Variants in SS18 observed in about 807,000 individuals in gnomAD.
SS18 encodes SS18 subunit of BAF chromatin remodeling complex.
A neutral mutation model predicts 72.5 loss-of-function variants in SS18; 28 were observed. That is an observed-to-expected ratio of 0.39 (90% CI 0.29 to 0.53). The LOEUF (loss-of-function observed/expected upper bound fraction) is 0.53, where lower values mean the gene tolerates loss of function less well. Among genes scored for constraint, SS18 ranks in the 20% least tolerant of loss-of-function variants. The pLI, the probability that SS18 is intolerant of heterozygous loss-of-function variation, is 0.76. For missense variants in SS18, 518 were observed against 535.3 expected (o/e 0.97, Z 0.32); for synonymous variants, 172 against 164.2 (o/e 1.05, Z -0.37).
At chr18:26,065,710 A>C (rs1399579980) in intron 3 of SS18, among the ~76,000 whole-genome samples, 1 of 150,194 alleles carries the variant, frequency 6.7e-6, no homozygotes, top group Non-Finnish European at 1.5e-5. Flanking sequence ...AGAGAATAAA[A>C]AGACAATTTT....
At chr18:26,032,213 T>C (rs1267695513) in intron 10 of SS18, among the ~76,000 whole-genome samples, 186 bp downstream of exon 10, 2 of 152,138 alleles carry the variant, frequency 1.3e-5, no homozygotes, top group Middle Eastern at 3.2e-3. Context: ...AGAGTAACTA[T>C]GATCAACTGT....
chr18:26,078,201 T>C (rs370196851), intron 2 of SS18, 41 bp from the exon 3 acceptor site: 2 of 1,430,250 alleles, frequency 1.4e-6, no homozygotes, highest in African/African-American at 1.4e-5. Flanking sequence ...AAAATAATTT[T>C]CTTCCTACCT....
chr18:26,023,294 G>A (rs779588978), intron 10 of SS18, among the ~76,000 whole-genome samples: 45 of 152,174 alleles, frequency 3.0e-4, no homozygotes, highest in East Asian at 3.9e-4. Flanking sequence ...GGACAGACAC[G>A]GAAGATATTA....
Position 26,079,490 on chromosome 18 carries a change from A to G in SS18, c.147-1330T>C, listed in dbSNP as rs141615912. ...TAAAATAATAAAAATAAGTTTTTTC[A>G]GCTAAAGTTCTCTAATTCAGATTCC... On this transcript the variant is annotated intron_variant, in intron 2 of 10. Transcript: ENST00000415083. Among the ~76,000 whole-genome samples, 744 of 152,358 alleles carry G rather than the reference A, an allele frequency of 4.9e-3. 8 individuals are homozygous for G. Among genetic ancestry groups the G allele is most frequent in the African/African-American group, 0.017 (699 of 41,588 alleles).
chr18:26,046,567 G>A (rs1352211542), intron 5 of SS18, among the ~76,000 whole-genome samples: 1 of 152,208 alleles, frequency 6.6e-6, no homozygotes, highest in South Asian at 2.1e-4. Context: ...AGCACCTGCA[G>A]TGCATATCCA....
chr18:26,087,017 A>G (rs2054626692), intron 2 of SS18, among the ~76,000 whole-genome samples: 1 of 152,212 alleles, frequency 6.6e-6, no homozygotes, highest in African/African-American at 2.4e-5. Context: ...CAAACAACAC[A>G]AATGGCCATC....
At chr18:26,029,619 C>T (rs528555713) in intron 10 of SS18, among the ~76,000 whole-genome samples, 1 of 152,226 alleles carries the variant, frequency 6.6e-6, no homozygotes, top group African/African-American at 2.4e-5. Context: ...AGAATGGAAC[C>T]ACTGTTTACT....
intron 2 of SS18, among the ~76,000 whole-genome samples, chr18:26,085,222 A>C (rs1256507627): frequency 6.6e-6 from 1 of 152,196 alleles, no homozygotes; most frequent in Non-Finnish European, 1.5e-5. Flanking sequence ...CGTTAAGTAG[A>C]AACAGTTATC....
At position 26,051,306 on chromosome 18, in the gene SS18, T is replaced by A. The variant is rs540008175; in HGVS notation, c.607+1318A>T. Reference sequence around the variant, plus strand: ...ACATACTTACAAAATACGACATTTTTAAAAATAAAAGTTGGTCCCTAAGAA... The same window carrying A: ...ACATACTTACAAAATACGACATTTTAAAAAATAAAAGTTGGTCCCTAAGAA... On this transcript the variant is annotated intron_variant, in intron 5 of 10. Transcript: ENST00000415083. Among the ~76,000 whole-genome samples the A allele has an allele frequency of 2.1e-3, 313 of 152,338 alleles. 1 individual carries two copies. Among genetic ancestry groups the A allele is most frequent in the African/African-American group, 7.4e-3 (306 of 41,586 alleles).
intron 9 of SS18, among the ~76,000 whole-genome samples, chr18:26,034,100 A>C (rs1259227466): frequency 6.6e-6 from 1 of 152,160 alleles, no homozygotes; most frequent in Non-Finnish European, 1.5e-5. Flanking sequence ...CTGACTCCCA[A>C]TATCTGACTG....
chr18:26,087,053 C>T (rs146733023), intron 2 of SS18, among the ~76,000 whole-genome samples: 2 of 152,248 alleles, frequency 1.3e-5, no homozygotes, highest in African/African-American at 4.8e-5. Context: ...AAATGTGGTA[C>T]AGCTGCATAA....
At position 26,026,070 on chromosome 18, in the gene SS18, C is replaced by T. The variant is rs149228147; in HGVS notation, c.1230+6329G>A. Among the ~76,000 whole-genome samples the T allele has an allele frequency of 9.2e-5, 14 of 152,280 alleles. No homozygotes were observed. The East Asian group carries it at 2.7e-3, about 29-fold the overall frequency. ...TAGAATTTCTACTAAATACACATCA[C>T]TTTTCACAGCATTGTGAAGTCAAAA... On this transcript the variant is annotated intron_variant, in intron 10 of 10. Transcript: ENST00000415083.
chr18:26,074,230 A>C (rs1010723928), intron 3 of SS18, among the ~76,000 whole-genome samples: 1 of 152,088 alleles, frequency 6.6e-6, no homozygotes, highest in Non-Finnish European at 1.5e-5. Context: ...TTCAAAGTGT[A>C]ATAAAGACCA....
Position 26,047,280 on chromosome 18 carries a change from A to AAAG in SS18, c.607+5341_607+5343dup, listed in dbSNP as rs1345143246. On this transcript the variant is annotated intron_variant, in intron 5 of 10. Transcript: ENST00000415083. ...ATGCCAAAAAAAAAAAAAAAAAAAAAAAGAAGAAGAAGAAAAGCTCCATGG... is the reference window on the plus strand; with the variant it reads ...ATGCCAAAAAAAAAAAAAAAAAAAAAAAGAAGAAGAAGAAGAAAAGCTCCATGG... Among the ~76,000 whole-genome samples, 687 of 147,690 alleles carry AAAG rather than the reference A, an allele frequency of 4.7e-3. 2 individuals are homozygous for AAAG. The highest frequency in any genetic ancestry group is 8.1e-3 in the Non-Finnish European group (542 of 66,802).
At chr18:26,083,426 G>C (rs137908533) in intron 2 of SS18, among the ~76,000 whole-genome samples, 28 of 152,250 alleles carry the variant, frequency 1.8e-4, no homozygotes, top group African/African-American at 6.5e-4. Flanking sequence ...GATACATTCT[G>C]ATAAATGTGT....
chr18:26,040,972 G>T (rs112155123), intron 5 of SS18, among the ~76,000 whole-genome samples: 4 of 152,138 alleles, frequency 2.6e-5, no homozygotes, highest in Admixed American at 6.5e-5. Flanking sequence ...AATTACCAGA[G>T]GTAAGGACCC....
chr18:26,027,892 G>A (rs1327342598), intron 10 of SS18, among the ~76,000 whole-genome samples: 3 of 151,804 alleles, frequency 2.0e-5, no homozygotes, highest in Non-Finnish European at 4.4e-5. Flanking sequence ...GTGACCTTCA[G>A]TTAGGTAAAG....
intron 5 of SS18, among the ~76,000 whole-genome samples, chr18:26,047,833 G>A (rs973827966): frequency 6.6e-6 from 1 of 152,020 alleles, no homozygotes; most frequent in African/African-American, 2.4e-5. Flanking sequence ...TGAGGCGACA[G>A]AGTGAGACTC....
intron 10 of SS18, among the ~76,000 whole-genome samples, chr18:26,022,330 T>A (rs1216625010): frequency 2.6e-5 from 4 of 151,882 alleles, no homozygotes; most frequent in African/African-American, 9.7e-5. Flanking sequence ...AAGAAGAATA[T>A]GACAATAAAC....
Sources: gnomAD v4.1 joint callset for allele counts (sites outside exome capture counted in the v4.1 genomes callset) on GRCh38, gnomAD v4.1.1 for gene constraint, MANE v1.5 for transcripts, NCBI Gene and HGNC (gene_info 2026-07-23, HGNC 2026-07-21) for gene names.